Variants in SUSD3 observed in about 807,000 individuals in gnomAD.
SUSD3 encodes the protein sushi domain-containing protein 3.
SUSD3 carries 18 observed loss-of-function variants against 20.6 expected under a neutral mutation model. The ratio of observed to expected loss-of-function variants is 0.87; its 90% CI spans 0.60 to 1.30. The LOEUF is 1.30. Among genes scored for constraint, SUSD3 ranks in the 50% most tolerant of loss-of-function variants. The probability of loss-of-function intolerance (pLI) is 0.00; values close to 1 mark genes in which losing one functional copy is unlikely to be tolerated. For synonymous variants in SUSD3, 137 were observed against 141.5 expected (o/e 0.97, Z 0.23); for missense variants, 306 against 346.9 (o/e 0.88, Z 0.94).
chr9:93,075,686 A>G lies in SUSD3; in HGVS notation c.89-98A>G, dbSNP rs73651357. The stretch of plus-strand genomic sequence containing the variant: ...CTGCACCCCACCCCTGTGCTCCCCA[A>G]TGCTGTGCCAGCTCCTCACTCCAGG... On this transcript the variant is annotated intron_variant, in intron 1 of 4. Transcript: ENST00000375472. 914 of 852,828 alleles carry G rather than the reference A, an allele frequency of 1.1e-3. 12 individuals are homozygous for G. In the African/African-American group the frequency reaches 0.015, roughly 14 times the overall value. 52.8% of individuals were successfully genotyped at this position (852,828 alleles called of 1,614,324 possible). A position where few individuals can be genotyped will look rare whatever the true frequency, so the allele number is the denominator to read the frequency against.
chr9:93,075,735 T>TGGGGGGGGGGGGGGGGGGG, intron 1 of SUSD3, 49 bp from the exon 2 acceptor site: 5 of 247,424 alleles, frequency 2.0e-5, no homozygotes, highest in African/African-American at 7.3e-5. Flanking sequence ...CTGCCCTGCG[T>TGGGGGGGGGGGGGGGGGGG]GCCCACCCCC....
Position 93,084,539 on chromosome 9 carries a change from A to T in SUSD3, c.560A>T (p.Asp187Val). The T allele has an allele frequency of 6.3e-7, 1 of 1,589,234 alleles. No homozygotes were observed. Among genetic ancestry groups the T allele is most frequent in the South Asian group, 1.1e-5 (1 of 87,400 alleles). Reference sequence around the variant, plus strand: ...ACTCATGCCTCCTCTCTCCACAGAGACCATGGTGAGAGCACCAGCAAGCTG... The same window carrying T: ...ACTCATGCCTCCTCTCTCCACAGAGTCCATGGTGAGAGCACCAGCAAGCTG... ...QAHDNHSFTT[D>V]HGESTSKLAS... Residue 187 changes from aspartate (D) to valine (V), a missense_variant and splice_region_variant, in exon 5 of 5, where the codon GAC becomes GTC. Asp to Val is a radical substitution (Grantham distance 152). Coordinates refer to ENST00000375472, the MANE Select transcript of SUSD3 (RefSeq NM_145006.4).
At chr9:93,074,697 C>A (rs146758541) in intron 1 of SUSD3, among the ~76,000 whole-genome samples, 2,190 of 147,940 alleles carry the variant, frequency 0.015, 55 homozygotes, top group African/African-American at 0.052. Context: ...TCACTGCAAC[C>A]TCTGACTCCC....
At chr9:93,082,978 C>T (rs933793525) in intron 4 of SUSD3, among the ~76,000 whole-genome samples, 11 of 152,270 alleles carry the variant, frequency 7.2e-5, no homozygotes, top group African/African-American at 1.7e-4. Flanking sequence ...TCTTACACTG[C>T]GGGAACTTGT....
rs566798906 is a variant in SUSD3, at chr9:93,081,965, T to G, written c.557+2363T>G. Among the ~76,000 whole-genome samples, 17 of 152,362 alleles carry G rather than the reference T, an allele frequency of 1.1e-4. No individual in the cohort carries two copies. The South Asian group carries it at 3.3e-3, about 30-fold the overall frequency. The stretch of plus-strand genomic sequence containing the variant: ...GGGCTGATCCTAGGAATCGATTGTT[T>G]AGGCCCAACAGTCTGAATATTTTAT... On this transcript the variant is annotated intron_variant, in intron 4 of 4. Transcript: ENST00000375472.
At chr9:93,070,069 A>G (rs1825854607) in intron 1 of SUSD3, among the ~76,000 whole-genome samples, 1 of 152,104 alleles carries the variant, frequency 6.6e-6, no homozygotes, top group Non-Finnish European at 1.5e-5. Flanking sequence ...ATGAGCCACC[A>G]TGCCTGGCCG....
chr9:93,077,970 G>A lies in SUSD3; in HGVS notation c.402G>A (p.Lys134=). The A allele has an allele frequency of 1.9e-6, 3 of 1,614,224 alleles. No individual in the cohort carries two copies. Among genetic ancestry groups the A allele is most frequent in the Non-Finnish European group, 2.5e-6 (3 of 1,180,048 alleles). ...LTCCLLKCVK[K]SKRRRSNRSA... ...GCTGCCTCCTCAAGTGCGTGAAGAA[G>A]AGCAAGCGGCGGCGCTCCAACAGGT... The change falls in exon 3 of 5, where the codon AAG becomes AAA. Residue 134 remains lysine, a synonymous_variant. Transcript: ENST00000375472.
chr9:93,078,894 G>T (rs1826286390), intron 3 of SUSD3, among the ~76,000 whole-genome samples: 3 of 151,968 alleles, frequency 2.0e-5, no homozygotes, highest in Non-Finnish European at 4.4e-5. Flanking sequence ...CCACCTCCTG[G>T]GATCACGCCA....
chr9:93,063,297 G>A (rs1159490762), intron 1 of SUSD3, among the ~76,000 whole-genome samples: 1 of 152,174 alleles, frequency 6.6e-6, no homozygotes, highest in Non-Finnish European at 1.5e-5. Context: ...CCCTGACCTA[G>A]GGAGTGATCC....
intron 1 of SUSD3, chr9:93,069,164 T>A (rs1450090477): frequency 1.4e-6 from 1 of 702,350 alleles, no homozygotes; most frequent in Non-Finnish European, 2.6e-6. Context: ...TTTTACACTG[T>A]GAGCCACTCT....
At chr9:93,074,616 CTTTTT>C (rs989411910) in intron 1 of SUSD3, among the ~76,000 whole-genome samples, 22 of 96,364 alleles carry the variant, frequency 2.3e-4, no homozygotes, top group African/African-American at 1.0e-3. Flanking sequence ...GCAGCAGATT[CTTTTT>C]TTTTTTTTTT....
In SUSD3 at chr9:93,077,869, G is replaced by C; in HGVS notation, c.301G>C (p.Gly101Arg). The change falls in exon 3 of 5, where the codon GGC (glycine) becomes CGC (arginine). Residue 101 changes from glycine (G) to arginine (R), a missense_variant. Coordinates refer to ENST00000375472, the MANE Select transcript of SUSD3 (RefSeq NM_145006.4). ...CKLVPPHETF[G>R]FKVAVIASIV... is the part of the protein sequence containing the mutation. ...AGTGGTGCCACCACACGAGACCTTTGGCTTCAAGGTGGCCGTGATCGCCTC... is the reference window on the plus strand; with the variant it reads ...AGTGGTGCCACCACACGAGACCTTTCGCTTCAAGGTGGCCGTGATCGCCTC... The C allele has an allele frequency of 3.7e-6, 6 of 1,614,208 alleles. No individual in the cohort carries two copies. The highest frequency in any genetic ancestry group is 5.1e-6 in the Non-Finnish European group (6 of 1,180,030).
intron 3 of SUSD3, among the ~76,000 whole-genome samples, chr9:93,078,977 T>C (rs1251940019): frequency 6.6e-6 from 1 of 152,016 alleles, no homozygotes; most frequent in Non-Finnish European, 1.5e-5. Flanking sequence ...TTTTTTTTTG[T>C]ATTTTTAGTA....
Position 93,077,876 on chromosome 9 carries a change from A to C in SUSD3, c.308A>C (p.Lys103Thr). The C allele has an allele frequency of 1.9e-6, 3 of 1,614,172 alleles. No homozygotes were observed. The highest frequency in any genetic ancestry group is 2.5e-6 in the Non-Finnish European group (3 of 1,180,022). Residue 103 changes from lysine (K) to threonine (T), a missense_variant, in exon 3 of 5, where the codon AAG becomes ACG. Lys to Thr is a moderately conservative substitution (Grantham distance 78). Coordinates refer to ENST00000375472, the MANE Select transcript of SUSD3 (RefSeq NM_145006.4). ...LVPPHETFGFKVAVIASIVSC... is the reference protein window; with the variant it reads ...LVPPHETFGFTVAVIASIVSC... ...CCACCACACGAGACCTTTGGCTTCA[A>C]GGTGGCCGTGATCGCCTCCATTGTG...
At chr9:93,073,896 G>C (rs61211187) in intron 1 of SUSD3, among the ~76,000 whole-genome samples, 1 of 152,216 alleles carries the variant, frequency 6.6e-6, no homozygotes, top group African/African-American at 2.4e-5. Flanking sequence ...GTCTGGTTCT[G>C]AGTCTTCCCT....
At chr9:93,060,460 C>T (rs10122591) in intron 1 of SUSD3, among the ~76,000 whole-genome samples, 1,782 of 152,266 alleles carry the variant, frequency 0.012, 37 homozygotes, top group African/African-American at 0.04. Context: ...TGCCATGTGA[C>T]CTCAGTTTCT....
rs373446972 is a variant in SUSD3, at chr9:93,077,845, G to A, written c.278-1G>A. 8 of 1,614,180 alleles carry A rather than the reference G, an allele frequency of 5.0e-6. No individual in the cohort carries two copies. Among genetic ancestry groups the A allele is most frequent in the Non-Finnish European group, 6.8e-6 (8 of 1,180,028 alleles). ...GGAGCTGGTGGTTGTCTCCCACACAGTGGTGCCACCACACGAGACCTTTGG... is the reference window on the plus strand; with the variant it reads ...GGAGCTGGTGGTTGTCTCCCACACAATGGTGCCACCACACGAGACCTTTGG... On this transcript the variant is annotated splice_acceptor_variant, in intron 2 of 4. Transcript: ENST00000375472. LOFTEE classifies it high-confidence loss of function.
rs138907329 is a variant in SUSD3, at chr9:93,073,603, C to T, written c.89-2181C>T. On this transcript the variant is annotated intron_variant, in intron 1 of 4. Transcript: ENST00000375472. ...CGGTCCACTGTCAATGCCCAAAAAT[C>T]AGGAAATACCAGATAAGCAGGAGGA... Among the ~76,000 whole-genome samples, 41 of 152,234 alleles carry T rather than the reference C, an allele frequency of 2.7e-4. No homozygotes were observed. The East Asian group carries it at 7.9e-3, about 30-fold the overall frequency.
At chr9:93,073,494 C>T (rs1036345075) in intron 1 of SUSD3, among the ~76,000 whole-genome samples, 9 of 152,072 alleles carry the variant, frequency 5.9e-5, no homozygotes, top group South Asian at 2.1e-4. Flanking sequence ...GTGATCCGCC[C>T]GCCTCGGCCT....
Sources: allele counts gnomAD v4.1 joint callset (sites outside exome capture counted in the v4.1 genomes callset), GRCh38; gene constraint gnomAD v4.1.1; transcripts MANE v1.5; gene names NCBI Gene and HGNC (gene_info 2026-07-23, HGNC 2026-07-21).